Variants in TJP3 observed in about 807,000 individuals in gnomAD.
TJP3 encodes the protein tight junction protein ZO-3.
In TJP3, 85 loss-of-function variants were observed where a neutral mutation model predicts 104.2. The ratio of observed to expected loss-of-function variants is 0.82; its 90% CI spans 0.68 to 0.98. The LOEUF (loss-of-function observed/expected upper bound fraction) is 0.98, where lower values mean the gene tolerates loss of function less well. TJP3 is among the 50% of genes least tolerant of loss of function. TJP3 has a pLI of 0.00. For synonymous variants in TJP3, 550 were observed against 550.6 expected, an observed-to-expected ratio of 1.00 and a Z score of 0.02; for missense variants, 1,367 against 1,322.8, an observed-to-expected ratio of 1.03 and a Z score of -0.52.
At chr19:3,728,273 A>C in intron 1 of TJP3, 151 bp from the exon 2 acceptor site, 2 of 1,253,470 alleles carry the variant, frequency 1.6e-6, no homozygotes, top group Non-Finnish European at 2.2e-6. Context: ...ACAAACAAAA[A>C]AACCTGAGGC....
intron 1 of TJP3, among the ~76,000 whole-genome samples, chr19:3,715,646 C>T (rs1377015387): frequency 1.3e-5 from 2 of 152,152 alleles, no homozygotes; most frequent in Admixed American, 1.3e-4. Context: ...CTCTGCGTTG[C>T]CCATTGACAT....
At chr19:3,742,068 G>A (rs1211416547) in intron 14 of TJP3, among the ~76,000 whole-genome samples, 1 of 152,156 alleles carries the variant, frequency 6.6e-6, no homozygotes, top group Non-Finnish European at 1.5e-5. Flanking sequence ...GTCTCCAACA[G>A]AAATATGGTG....
At chr19:3,721,305 C>T (rs1032359914) in intron 1 of TJP3, among the ~76,000 whole-genome samples, 6 of 152,166 alleles carry the variant, frequency 3.9e-5, no homozygotes, top group Non-Finnish European at 7.3e-5. Context: ...TCAGAGTCCA[C>T]GCCTCTGGCC....
intron 1 of TJP3, among the ~76,000 whole-genome samples, chr19:3,709,122 A>AT (rs1011647292): frequency 4.9e-4 from 74 of 150,360 alleles, no homozygotes; most frequent in Admixed American, 1.6e-3. Flanking sequence ...TCTTTTGCTA[A>AT]TTTTTTTTTT....
In TJP3 at chr19:3,730,540, G is replaced by T. The variant is rs566136833; in HGVS notation, c.447G>T (p.Pro149=). 15 of 1,601,602 alleles carry T rather than the reference G, an allele frequency of 9.4e-6. No individual in the cohort carries two copies. In the South Asian group the frequency reaches 1.3e-4, roughly 14 times the overall value. The change falls in exon 5 of 21, where the codon CCG becomes CCT. Residue 149 remains proline, a synonymous_variant. Coordinates refer to ENST00000541714, the MANE Select transcript of TJP3 (RefSeq NM_001267560.2). The surrounding 1 kb of genome is among the most constrained non-coding windows in gnomAD (Gnocchi z 7.3). The part of the protein sequence containing the change: ...GRSWDERSRR[P]RPGRRGRAGS... The stretch of plus-strand genomic sequence containing the variant: ...CCTGGGACGAGCGCTCCCGCCGGCC[G>T]AGGCCTGGTCGCCGGGGCCGGGCCG...
chr19:3,740,654 G>A lies in TJP3; in HGVS notation c.1734G>A (p.Arg578=), dbSNP rs2145696860. ...SNARAEFWRL[R]GLRRGAKKTT... ...CTCGGGCCGAGTTCTGGCGGCTGCGGGGTCTTCGTCGAGGAGCCAAGAAGA... is the reference window on the plus strand; with the variant it reads ...CTCGGGCCGAGTTCTGGCGGCTGCGAGGTCTTCGTCGAGGAGCCAAGAAGA... Residue 578 remains arginine, a synonymous_variant, in exon 14 of 21, where the codon CGG becomes CGA. Transcript: ENST00000541714. The A allele has an allele frequency of 6.2e-7, 1 of 1,606,332 alleles. No homozygotes were observed. Among genetic ancestry groups the A allele is most frequent in the Non-Finnish European group, 8.5e-7 (1 of 1,176,970 alleles).
chr19:3,727,169 T>C (rs1255142680), intron 1 of TJP3, among the ~76,000 whole-genome samples: 3 of 151,822 alleles, frequency 2.0e-5, no homozygotes, highest in Admixed American at 2.0e-4. Flanking sequence ...AATGCACCTT[T>C]GATGAATGTA....
At chr19:3,735,765 C>T in intron 9 of TJP3, 104 bp from the exon 10 acceptor site, 1 of 1,581,636 alleles carries the variant, frequency 6.3e-7, no homozygotes, top group Non-Finnish European at 8.7e-7. Context: ...CTGAGAAGGA[C>T]TCGAGGTGGG....
intron 1 of TJP3, among the ~76,000 whole-genome samples, chr19:3,722,872 A>AGGG (rs2036557544): frequency 8.7e-5 from 1 of 11,464 alleles, no homozygotes; most frequent in Non-Finnish European, 1.8e-4. Flanking sequence ...GGGGGGGCAC[A>AGGG]GGGGACGGCG....
At chr19:3,738,506 C>A in intron 11 of TJP3, 49 bp from the exon 12 acceptor site, 1 of 1,535,320 alleles carries the variant, frequency 6.5e-7, no homozygotes, top group South Asian at 1.2e-5. Flanking sequence ...CTCATGCACG[C>A]CCAAGAGGTA....
At chr19:3,719,324 T>TG (rs1424232796) in intron 1 of TJP3, among the ~76,000 whole-genome samples, 1 of 152,158 alleles carries the variant, frequency 6.6e-6, no homozygotes, top group Non-Finnish European at 1.5e-5. Flanking sequence ...TTTTGGTTAA[T>TG]GGTGTTTCTA....
At chr19:3,732,995 A>G (rs1328730124) in intron 6 of TJP3, among the ~76,000 whole-genome samples, 1 of 150,938 alleles carries the variant, frequency 6.6e-6, no homozygotes, top group Non-Finnish European at 1.5e-5. Context: ...CCTCTAGATG[A>G]CTGTTTTCTT....
At chr19:3,740,048 A>G (rs1166868202) in intron 13 of TJP3, among the ~76,000 whole-genome samples, 3 of 152,012 alleles carry the variant, frequency 2.0e-5, no homozygotes, top group Non-Finnish European at 4.4e-5. Context: ...CCTGGCCAAC[A>G]TGGTGAAACC....
In TJP3 at chr19:3,746,143, C is replaced by T. The variant is rs1369667858; in HGVS notation, c.2010+62C>T. 6 of 1,471,536 alleles carry T rather than the reference C, an allele frequency of 4.1e-6. No individual in the cohort carries two copies. Among genetic ancestry groups the T allele is most frequent in the Non-Finnish European group, 5.6e-6 (6 of 1,070,922 alleles). The allele number at this position is 1,471,536 out of a possible 1,614,324, so 91.2% of individuals were successfully genotyped here. ...TGGGGGAAACCGAGGCCTGGGCATC[C>T]AACTGAATGTCCTGACCTGTTCTCA... is the stretch of plus-strand genomic sequence containing the variant. On this transcript the variant is annotated intron_variant, in intron 16 of 20. Transcript: ENST00000541714. This position sits in a 1 kb window ranked among gnomAD's most constrained non-coding sequence, Gnocchi z 4.1.
Position 3,746,595 on chromosome 19 carries a change from G to A in TJP3, c.2121G>A (p.Lys707=). The part of the protein sequence containing the change: ...FFIPESRPAL[K]ALRQWLAPAS... ...TCCCCGAGAGCCGGCCGGCCCTCAA[G>A]GCACTGCGCCAGTGGCTGGCGCCTG... Residue 707 remains lysine (K), a synonymous_variant, in exon 17 of 21, where the codon AAG becomes AAA. Coordinates refer to ENST00000541714, the MANE Select transcript of TJP3 (RefSeq NM_001267560.2). This position sits in a 1 kb window ranked among gnomAD's most constrained non-coding sequence, Gnocchi z 4.1. 1 of 1,613,798 alleles carries A rather than the reference G, an allele frequency of 6.2e-7. No homozygotes were observed. The highest frequency in any genetic ancestry group is 8.5e-7 in the Non-Finnish European group (1 of 1,179,956).
At position 3,746,500 on chromosome 19, in the gene TJP3, C is replaced by T. The variant is rs2145704911; in HGVS notation, c.2026C>T (p.Leu676=). The T allele has an allele frequency of 3.7e-6, 6 of 1,613,952 alleles. No homozygotes were observed. The highest frequency in any genetic ancestry group is 4.2e-6 in the Non-Finnish European group (5 of 1,180,010). The change falls in exon 17 of 21, where the codon CTG becomes TTG. Residue 676 remains leucine (L), a synonymous_variant. Coordinates refer to ENST00000541714, the MANE Select transcript of TJP3 (RefSeq NM_001267560.2). The surrounding 1 kb of genome is among the most constrained non-coding windows in gnomAD (Gnocchi z 4.1). ...CCTGGCCCAGGACAAGCATGCGCTC[C>T]TGGATGTGACCCCCTCCGCCATCGA... ...VIAEKDKHAL[L]DVTPSAIERL...
At position 3,734,355 on chromosome 19, in the gene TJP3, G is replaced by A. The variant is rs148792478; in HGVS notation, c.906G>A (p.Ser302=). Residue 302 remains serine (S), a synonymous_variant, in exon 8 of 21, where the codon TCG becomes TCA. Coordinates refer to ENST00000541714, the MANE Select transcript of TJP3 (RefSeq NM_001267560.2). ...TCTCGGACCTCGCCTCGGAGCTATC[G>A]CAGGCACCACCATCCCACATCCCAC... ...EDISDLASEL[S]QAPPSHIPPP... 7.3e-5 allele frequency: 117 copies of A among 1,613,630 alleles called. 1 individual carries two copies. In the African/African-American group the frequency reaches 1.1e-3, roughly 15 times the overall value.
In TJP3 at chr19:3,746,877, G is replaced by A; in HGVS notation, c.2322+1G>A. On this transcript the variant is annotated splice_donor_variant, in intron 18 of 20. Coordinates refer to ENST00000541714, the MANE Select transcript of TJP3 (RefSeq NM_001267560.2). LOFTEE classifies it high-confidence loss of function. The surrounding 1 kb of genome is among the most constrained non-coding windows in gnomAD (Gnocchi z 4.1). Reference sequence around the variant, plus strand: ...GCCCATCTGGACGGCGGAAGATCAGGTACTGCCGCGGTGTGGGTGGGTCGG... The same window carrying A: ...GCCCATCTGGACGGCGGAAGATCAGATACTGCCGCGGTGTGGGTGGGTCGG... 2.1e-6 allele frequency: 3 copies of A among 1,437,452 alleles called. No homozygotes were observed. The highest frequency in any genetic ancestry group is 1.2e-5 in the South Asian group (1 of 86,088). 89.0% of individuals were successfully genotyped at this position (1,437,452 alleles called of 1,614,324 possible).
rs116313898 is a variant in TJP3, at chr19:3,710,499, C to T, written c.-10+1938C>T. On this transcript the variant is annotated intron_variant, in intron 1 of 20. Coordinates refer to ENST00000541714, the MANE Select transcript of TJP3 (RefSeq NM_001267560.2). ...CTCAGCATCTCGAGAAAGTCCTGCC[C>T]CCTGGCTTGGTGCTTCCTCGTGGCC... Among the ~76,000 whole-genome samples the T allele has an allele frequency of 5.4e-3, 819 of 152,306 alleles. 7 individuals are homozygous for T. Among genetic ancestry groups the T allele is most frequent in the African/African-American group, 0.019 (775 of 41,564 alleles).
Sources: gnomAD v4.1 joint callset for allele counts (sites outside exome capture counted in the v4.1 genomes callset) on GRCh38, gnomAD v4.1.1 for gene constraint, Gnocchi (gnomAD v3.1) non-coding constraint, MANE v1.5 for transcripts, NCBI Gene and HGNC (gene_info 2026-07-23, HGNC 2026-07-21) for gene names.